BLTP3A: variants seen among roughly 807,000 people sequenced by gnomAD.
The protein encoded by BLTP3A is ICBP90 binding protein 1.
the BLTP3A span, among the ~76,000 whole-genome samples, chr6:34,826,977 G>A: frequency 5.3e-5 from 8 of 152,078 alleles, no homozygotes; most frequent in African/African-American, 1.9e-4. Context: ...TTGCTTTAAG[G>A]CCTTTTCAGT....
At chr6:34,810,224 G>T in the BLTP3A span, among the ~76,000 whole-genome samples, 4 of 152,296 alleles carry the variant, frequency 2.6e-5, no homozygotes, top group African/African-American at 7.2e-5. Context: ...GGCACATTGT[G>T]TGGGTCCCAT....
chr6:34,792,874 C>A, the BLTP3A span, among the ~76,000 whole-genome samples: 1 of 152,192 alleles, frequency 6.6e-6, no homozygotes, highest in East Asian at 1.9e-4. Flanking sequence ...TTCCCAGGAG[C>A]TCCCACCTCC....
At chr6:34,842,586 G>C in the BLTP3A span, among the ~76,000 whole-genome samples, 1 of 152,174 alleles carries the variant, frequency 6.6e-6, no homozygotes, top group South Asian at 2.1e-4. Flanking sequence ...GCTCACACCT[G>C]TAATCCCAGC....
At chr6:34,865,410 G>T in the BLTP3A span, among the ~76,000 whole-genome samples, 1 of 152,174 alleles carries the variant, frequency 6.6e-6, no homozygotes, top group Non-Finnish European at 1.5e-5. Context: ...TCCATTGTGT[G>T]TTTGTACCAC....
At chr6:34,867,725 A>C in the BLTP3A span, 2 of 1,373,636 alleles carry the variant, frequency 1.5e-6, no homozygotes, top group African/African-American at 1.5e-5. Flanking sequence ...ACTAGTGCCA[A>C]GTTCTCTCCA....
chr6:34,860,237 G>C, the BLTP3A span, among the ~76,000 whole-genome samples: 2 of 151,962 alleles, frequency 1.3e-5, no homozygotes, highest in Non-Finnish European at 2.9e-5. Context: ...AGCGCTTTCT[G>C]TGTGCTGGGC....
At chr6:34,798,980 T>C in the BLTP3A span, among the ~76,000 whole-genome samples, 3 of 152,138 alleles carry the variant, frequency 2.0e-5, no homozygotes, top group African/African-American at 7.2e-5. Context: ...CTCGCTCTGT[T>C]GCCCAGGCTG....
At chr6:34,853,280 G>T in the BLTP3A span, among the ~76,000 whole-genome samples, 1 of 152,072 alleles carries the variant, frequency 6.6e-6, no homozygotes, top group Non-Finnish European at 1.5e-5. Flanking sequence ...AGGCTCAGGG[G>T]ATCCTCCTGC....
the BLTP3A span, chr6:34,858,842 G>A: frequency 1.2e-6 from 2 of 1,614,192 alleles, no homozygotes; most frequent in Non-Finnish European, 1.7e-6. Context: ...GTCCGCGTGA[G>A]GCTTGACCAC....
chr6:34,817,119 A>C, the BLTP3A span, among the ~76,000 whole-genome samples: 4 of 152,172 alleles, frequency 2.6e-5, no homozygotes, highest in Admixed American at 1.3e-4. Flanking sequence ...AGGGGCATGC[A>C]CTGTCTTCCT....
the BLTP3A span, chr6:34,859,521 A>T: frequency 6.2e-7 from 1 of 1,614,174 alleles, no homozygotes; most frequent in Non-Finnish European, 8.5e-7. Flanking sequence ...GTTTGGGCAG[A>T]GATCGAATGA....
chr6:34,821,995 G>T, the BLTP3A span: 3 of 1,613,218 alleles, frequency 1.9e-6, no homozygotes, highest in Non-Finnish European at 2.5e-6. Flanking sequence ...AAATGGGGAT[G>T]GCCAGGGTAG....
chr6:34,861,363 C>G, the BLTP3A span, among the ~76,000 whole-genome samples: 2 of 152,072 alleles, frequency 1.3e-5, no homozygotes, highest in Non-Finnish European at 2.9e-5. Context: ...TGGGCTCAAG[C>G]GATTCACCCA....
chr6:34,792,545 C>T, the BLTP3A span, among the ~76,000 whole-genome samples: 1 of 152,178 alleles, frequency 6.6e-6, no homozygotes, highest in Non-Finnish European at 1.5e-5. Flanking sequence ...AGTCTCTCCC[C>T]ACTCTAACAA....
At chr6:34,808,800 A>T in the BLTP3A span, among the ~76,000 whole-genome samples, 1 of 151,994 alleles carries the variant, frequency 6.6e-6, no homozygotes, top group East Asian at 1.9e-4. Flanking sequence ...GACTGGTCTC[A>T]AACTCCTGGA....
the BLTP3A span, among the ~76,000 whole-genome samples, chr6:34,804,669 G>C: frequency 1.7e-4 from 26 of 152,152 alleles, no homozygotes; most frequent in Admixed American, 2.6e-4. Flanking sequence ...AGATCATGGA[G>C]GCCTTTTGTA....
chr6:34,792,633 C>T, the BLTP3A span, among the ~76,000 whole-genome samples: 1 of 152,174 alleles, frequency 6.6e-6, no homozygotes, highest in Non-Finnish European at 1.5e-5. Flanking sequence ...GCAGGTCACC[C>T]CGTGCTCCCT....
chr6:34,847,904 C>T, the BLTP3A span, among the ~76,000 whole-genome samples: 2 of 88,716 alleles, frequency 2.3e-5, no homozygotes, highest in African/African-American at 5.8e-5. Flanking sequence ...TGAAATTTTT[C>T]TACTTTTCTT....
At chr6:34,794,166 A>G in the BLTP3A span, among the ~76,000 whole-genome samples, 1 of 151,850 alleles carries the variant, frequency 6.6e-6, no homozygotes, top group Non-Finnish European at 1.5e-5. Context: ...TCAAAAAAAA[A>G]AAAGTATATT....
Sources: allele counts gnomAD v4.1 joint callset (sites outside exome capture counted in the v4.1 genomes callset), GRCh38; gene constraint gnomAD v4.1.1; transcripts MANE v1.5; gene names NCBI Gene and HGNC (gene_info 2026-07-23, HGNC 2026-07-21).